The following NRXN3 variants were observed in gnomAD, a reference collection of about 807,000 sequenced individuals.
NRXN3 encodes the protein neurexin III.
In NRXN3, 32 loss-of-function variants were observed where a neutral mutation model predicts 137.6. That is an observed-to-expected ratio of 0.23 (90% CI 0.18 to 0.31). NRXN3 has a LOEUF of 0.31. Ranked by LOEUF, NRXN3 falls within the 10% of genes least tolerant of loss-of-function variation. The pLI is 1.00. For synonymous variants in NRXN3, 798 were observed against 784.5 expected, an observed-to-expected ratio of 1.02 and a Z score of -0.29; for missense variants, 1,574 against 2,062.5, an observed-to-expected ratio of 0.76 and a Z score of 4.59.
chr14:79,237,371 G>A (rs1334844296), intron 15 of NRXN3, among the ~76,000 whole-genome samples: 1 of 152,032 alleles, frequency 6.6e-6, no homozygotes, highest in South Asian at 2.1e-4. Context: ...GGCTAGCTGG[G>A]GATATTAGAA....
intron 7 of NRXN3, chr14:78,709,906 A>G: frequency 2.1e-6 from 1 of 480,144 alleles, no homozygotes; most frequent in Non-Finnish European, 3.7e-6. Flanking sequence ...CCTGGAGCTA[A>G]GGATGGTTTT....
intron 1 of NRXN3, among the ~76,000 whole-genome samples, chr14:78,232,852 C>T (rs1046248840): frequency 6.6e-6 from 1 of 152,158 alleles, no homozygotes; most frequent in South Asian, 2.1e-4. Flanking sequence ...GCCCACTGGC[C>T]AGGGAGGAGG....
intron 4 of NRXN3, among the ~76,000 whole-genome samples, chr14:78,454,404 C>T (rs906948395): frequency 6.6e-6 from 1 of 152,118 alleles, no homozygotes; most frequent in Admixed American, 6.5e-5. Flanking sequence ...TAAGAAATCC[C>T]AAAAGGCTGT....
intron 15 of NRXN3, among the ~76,000 whole-genome samples, chr14:79,458,957 G>A (rs2096290924): frequency 6.6e-6 from 1 of 152,010 alleles, no homozygotes; most frequent in African/African-American, 2.4e-5. Flanking sequence ...GAAAGGATTG[G>A]GTTTTCATCT....
chr14:78,858,916 G>C (rs978227152), intron 10 of NRXN3, among the ~76,000 whole-genome samples: 1 of 152,140 alleles, frequency 6.6e-6, no homozygotes, highest in Non-Finnish European at 1.5e-5. Context: ...AAATCTGTAT[G>C]TATTCCTACA....
At chr14:78,994,054 C>T (rs1173444641) in intron 15 of NRXN3, among the ~76,000 whole-genome samples, 2 of 151,586 alleles carry the variant, frequency 1.3e-5, no homozygotes, top group Non-Finnish European at 2.9e-5. Context: ...CGGGGTTTCA[C>T]CTTGTTGGCC....
At chr14:79,189,608 A>C (rs993416201) in intron 15 of NRXN3, among the ~76,000 whole-genome samples, 1 of 152,030 alleles carries the variant, frequency 6.6e-6, no homozygotes, top group African/African-American at 2.4e-5. Context: ...GCCCAACACA[A>C]AGTTCAAGTC....
intron 2 of NRXN3, among the ~76,000 whole-genome samples, chr14:78,255,826 A>G (rs1019718298): frequency 6.6e-6 from 1 of 152,202 alleles, no homozygotes; most frequent in Non-Finnish European, 1.5e-5. Context: ...GTATTCATAT[A>G]TGTGTGTGCC....
intron 6 of NRXN3, among the ~76,000 whole-genome samples, chr14:78,658,026 G>T (rs1167584002): frequency 6.6e-6 from 1 of 152,026 alleles, no homozygotes; most frequent in Non-Finnish European, 1.5e-5. Flanking sequence ...TGTTTCCCAA[G>T]CTGTTGTTTT....
intron 15 of NRXN3, among the ~76,000 whole-genome samples, chr14:79,092,921 C>A (rs1403755975): frequency 6.6e-6 from 1 of 152,132 alleles, no homozygotes; most frequent in African/African-American, 2.4e-5. Flanking sequence ...AGGAGTCTAA[C>A]CCTGAGTACT....
chr14:78,757,238 T>C (rs2098672799), intron 8 of NRXN3, among the ~76,000 whole-genome samples: 1 of 152,032 alleles, frequency 6.6e-6, no homozygotes, highest in South Asian at 2.1e-4. Context: ...TTAAACCCCA[T>C]CTCTACTAAA....
intron 4 of NRXN3, among the ~76,000 whole-genome samples, chr14:78,484,281 G>A (rs1040074422): frequency 2.7e-4 from 41 of 152,148 alleles, no homozygotes; most frequent in African/African-American, 9.9e-4. Context: ...TGGTTCTAGT[G>A]GGGACGCTTA....
At chr14:78,915,316 G>A (rs1470804503) in intron 10 of NRXN3, among the ~76,000 whole-genome samples, 5 of 101,726 alleles carry the variant, frequency 4.9e-5, no homozygotes, top group Admixed American at 1.6e-4. Context: ...AATGAACTAC[G>A]TTTCCCAAAC....
chr14:79,744,692 A>G (rs1421704505), intron 19 of NRXN3, among the ~76,000 whole-genome samples: 2 of 152,180 alleles, frequency 1.3e-5, no homozygotes, highest in East Asian at 3.9e-4. Context: ...AGCTCTTGTG[A>G]TGGCTTTGCA....
intron 4 of NRXN3, among the ~76,000 whole-genome samples, chr14:78,442,896 A>G (rs1243172383): frequency 6.6e-6 from 1 of 152,234 alleles, no homozygotes; most frequent in African/African-American, 2.4e-5. Flanking sequence ...TACAACTTAC[A>G]GATTACTCTG....
intron 4 of NRXN3, among the ~76,000 whole-genome samples, chr14:78,336,314 T>C (rs1346802981): frequency 6.6e-6 from 1 of 152,216 alleles, no homozygotes; most frequent in Non-Finnish European, 1.5e-5. Flanking sequence ...CTGCATTTTC[T>C]TATGCGTCCT....
intron 19 of NRXN3, among the ~76,000 whole-genome samples, chr14:79,706,717 A>C (rs1465377764): frequency 6.6e-6 from 1 of 152,122 alleles, no homozygotes; most frequent in Non-Finnish European, 1.5e-5. Flanking sequence ...TAAAGAATAA[A>C]TCAGTAGTTA....
intron 4 of NRXN3, among the ~76,000 whole-genome samples, chr14:78,312,351 G>A (rs1018275811): frequency 2.0e-5 from 3 of 152,078 alleles, no homozygotes; most frequent in Admixed American, 6.6e-5. Flanking sequence ...GAAGTAAGAC[G>A]GTGACACCAG....
chr14:78,288,007 T>C (rs559176059), intron 3 of NRXN3, among the ~76,000 whole-genome samples: 1 of 150,504 alleles, frequency 6.6e-6, no homozygotes, highest in Non-Finnish European at 1.5e-5. Context: ...TGAGATGGAG[T>C]CTTGCTCTGT....
Sources: allele counts gnomAD v4.1 joint callset (sites outside exome capture counted in the v4.1 genomes callset), GRCh38; gene constraint gnomAD v4.1.1; transcripts MANE v1.5; gene names NCBI Gene and HGNC (gene_info 2026-07-23, HGNC 2026-07-21).